The following RHOT1 variants were observed in gnomAD, a reference collection of about 807,000 sequenced individuals.
The protein encoded by RHOT1 is mitochondrial Rho GTPase 1.
RHOT1 carries 27 observed loss-of-function variants against 95.3 expected under a neutral mutation model. The observed-to-expected ratio is 0.28, with a 90% CI of 0.21 to 0.39. The LOEUF (loss-of-function observed/expected upper bound fraction) is 0.39, where lower values mean the gene tolerates loss of function less well. Among genes scored for constraint, RHOT1 ranks in the 10% least tolerant of loss-of-function variants. RHOT1 has a pLI of 1.00. For missense variants in RHOT1, 578 were observed against 786.7 expected (o/e 0.73, Z 3.17); for synonymous variants, 227 against 263.5 (o/e 0.86, Z 1.34).
At chr17:32,216,744 A>G (rs2038500684) in intron 19 of RHOT1, among the ~76,000 whole-genome samples, 1 of 152,146 alleles carries the variant, frequency 6.6e-6, no homozygotes, top group African/African-American at 2.4e-5. Context: ...TTGTCAGACA[A>G]AAATGAACTG....
chr17:32,199,274 G>T, intron 12 of RHOT1, 131 bp from the exon 13 acceptor site: 1 of 874,298 alleles, frequency 1.1e-6, no homozygotes, highest in African/African-American at 1.7e-5. Flanking sequence ...GAATTTTCTT[G>T]ATAAAATGTA....
chr17:32,181,213 T>C (rs1177005116), intron 6 of RHOT1, among the ~76,000 whole-genome samples: 2 of 152,230 alleles, frequency 1.3e-5, no homozygotes, highest in Non-Finnish European at 2.9e-5. Flanking sequence ...TTGGTCCTCC[T>C]TAATATCCCC....
At chr17:32,149,089 A>G (rs745620643) in intron 1 of RHOT1, among the ~76,000 whole-genome samples, 12 of 152,176 alleles carry the variant, frequency 7.9e-5, no homozygotes, top group Non-Finnish European at 1.5e-4. Context: ...GATTACTTCA[A>G]TATTTCTCAG....
At chr17:32,209,160 T>C (rs915411983) in intron 18 of RHOT1, 3 of 339,568 alleles carry the variant, frequency 8.8e-6, no homozygotes, top group Non-Finnish European at 1.6e-5. Context: ...CAAAAAGGTG[T>C]TGATTTGTAC....
intron 1 of RHOT1, among the ~76,000 whole-genome samples, chr17:32,156,886 G>A (rs1396520898): frequency 1.3e-5 from 2 of 152,224 alleles, no homozygotes; most frequent in Non-Finnish European, 2.9e-5. Flanking sequence ...TGTGTGACAG[G>A]TGTTGTGCTA....
intron 8 of RHOT1, among the ~76,000 whole-genome samples, chr17:32,186,695 A>G (rs2036085662): frequency 6.6e-6 from 1 of 151,552 alleles, no homozygotes; most frequent in Non-Finnish European, 1.5e-5. Flanking sequence ...ACAGGGTCTC[A>G]CCATCATCCA....
At chr17:32,194,873 G>A (rs1363763202) in intron 11 of RHOT1, among the ~76,000 whole-genome samples, 1 of 145,490 alleles carries the variant, frequency 6.9e-6, no homozygotes, top group African/African-American at 2.5e-5. Context: ...CTGTCACCCA[G>A]GCTGGAGTGC....
intron 16 of RHOT1, among the ~76,000 whole-genome samples, chr17:32,206,192 C>CTTTTTTTT (rs71144812): frequency 1.8e-4 from 11 of 60,528 alleles, no homozygotes; most frequent in African/African-American, 4.6e-4. Flanking sequence ...TCCATAGAAT[C>CTTTTTTTT]TTTTTTTTTT....
rs544166034 is a variant in RHOT1, at chr17:32,147,911, C to T, written c.37+5182C>T. Reference sequence around the variant, plus strand: ...CTATGGCCAGGGATGTTCAAACACCCATTGAGGTGAACTGCATCTTTTCTG... The same window carrying T: ...CTATGGCCAGGGATGTTCAAACACCTATTGAGGTGAACTGCATCTTTTCTG... On this transcript the variant is annotated intron_variant, in intron 1 of 19. Coordinates refer to ENST00000545287, the MANE Select transcript of RHOT1 (RefSeq NM_001033566.3). Among the ~76,000 whole-genome samples, 3 of 150,814 alleles carry T rather than the reference C, an allele frequency of 2.0e-5. No homozygotes were observed. The South Asian group carries it at 6.2e-4, about 31-fold the overall frequency.
intron 1 of RHOT1, chr17:32,150,960 G>T: frequency 6.7e-7 from 1 of 1,493,530 alleles, no homozygotes; most frequent in Non-Finnish European, 9.1e-7. Context: ...TTTGCTGATT[G>T]CTGCTGCTGC....
At chr17:32,153,626 T>A (rs1314635096) in intron 1 of RHOT1, among the ~76,000 whole-genome samples, 1 of 152,200 alleles carries the variant, frequency 6.6e-6, no homozygotes, top group Non-Finnish European at 1.5e-5. Context: ...GCCACTGTAC[T>A]CTTGCCTGGG....
Position 32,190,106 on chromosome 17 carries a change from T to C in RHOT1, c.541-2095T>C, listed in dbSNP as rs866796707. Reference sequence around the variant, plus strand: ...TTTTCAGGTGGTTAGTTTTTAAATATGACATTGGGCCAATACCTTAGAGCT... The same window carrying C: ...TTTTCAGGTGGTTAGTTTTTAAATACGACATTGGGCCAATACCTTAGAGCT... On this transcript the variant is annotated intron_variant, in intron 8 of 19. Coordinates refer to ENST00000545287, the MANE Select transcript of RHOT1 (RefSeq NM_001033566.3). 3.3e-5 allele frequency among the ~76,000 whole-genome samples: 5 copies of C among 152,282 alleles called. No homozygotes were observed. The South Asian group carries it at 1.0e-3, about 32-fold the overall frequency.
chr17:32,150,921 C>T (rs1487330250), intron 1 of RHOT1: 12 of 1,544,794 alleles, frequency 7.8e-6, no homozygotes, highest in Non-Finnish European at 1.1e-5. Context: ...GCACATTCTT[C>T]TTGGATGGAA....
rs1304299452 is a variant in RHOT1 at position 32,142,504 on chromosome 17, A to G, written c.-189A>G. The G allele has an allele frequency of 7.6e-6, 3 of 396,094 alleles. No individual in the cohort carries two copies. Among genetic ancestry groups the G allele is most frequent in the African/African-American group, 2.3e-5 (1 of 43,502 alleles). The allele number at this position is 396,094 out of a possible 1,614,324, so 24.5% of individuals were successfully genotyped here. Reference sequence around the variant, plus strand: ...CCGCCGCCGCCGCCGCCGCCGCCACAGCCCGCTGGGCCGGAGGAGGCGGAG... The same window carrying G: ...CCGCCGCCGCCGCCGCCGCCGCCACGGCCCGCTGGGCCGGAGGAGGCGGAG... On this transcript the variant is annotated 5_prime_UTR_variant, in exon 1 of 20. Coordinates refer to ENST00000545287, the MANE Select transcript of RHOT1 (RefSeq NM_001033566.3).
intron 8 of RHOT1, among the ~76,000 whole-genome samples, chr17:32,185,365 C>T (rs542315471): frequency 6.6e-6 from 1 of 152,330 alleles, no homozygotes; most frequent in East Asian, 1.9e-4. Flanking sequence ...CTGCCTCAGC[C>T]TCCCAAAGTG....
chr17:32,158,658 C>A (rs750755276), intron 1 of RHOT1, among the ~76,000 whole-genome samples: 8 of 151,952 alleles, frequency 5.3e-5, no homozygotes, highest in Non-Finnish European at 8.8e-5. Context: ...CGGGGTTTCA[C>A]CATGTTGGCC....
In RHOT1 at chr17:32,147,462, C is replaced by T. The variant is rs2031532070; in HGVS notation, c.37+4733C>T. Among the ~76,000 whole-genome samples the T allele has an allele frequency of 4.6e-5, 7 of 150,792 alleles. No homozygotes were observed. The South Asian group carries it at 1.5e-3, about 32-fold the overall frequency. On this transcript the variant is annotated intron_variant, in intron 1 of 19. Transcript: ENST00000545287. ...GCAACATAGTGAGACCCTGCCTCTA[C>T]TTTTTTTTAACTATTAAAAAAAAAA...
intron 11 of RHOT1, among the ~76,000 whole-genome samples, chr17:32,197,101 C>T (rs917086950): frequency 9.9e-5 from 15 of 151,074 alleles, no homozygotes; most frequent in South Asian, 2.1e-4. Flanking sequence ...CCAGCCCTGG[C>T]GACAGAGTGA....
In RHOT1 at chr17:32,191,408, C is replaced by T. The variant is rs547588867; in HGVS notation, c.541-793C>T. On this transcript the variant is annotated intron_variant, in intron 8 of 19. Transcript: ENST00000545287. ...AGATGATCTAAATAAAGATCTATCTCCAAGCTTAGACAAAAGTCAGAGCTC... is the reference window on the plus strand; with the variant it reads ...AGATGATCTAAATAAAGATCTATCTTCAAGCTTAGACAAAAGTCAGAGCTC... 3.3e-5 allele frequency among the ~76,000 whole-genome samples: 5 copies of T among 152,304 alleles called. No individual in the cohort carries two copies. The South Asian group carries it at 1.0e-3, about 32-fold the overall frequency.
Sources: allele counts gnomAD v4.1 joint callset (sites outside exome capture counted in the v4.1 genomes callset), GRCh38; gene constraint gnomAD v4.1.1; transcripts MANE v1.5; gene names NCBI Gene and HGNC (gene_info 2026-07-23, HGNC 2026-07-21).